The following PRSS3 variants were observed in gnomAD, a reference collection of about 807,000 sequenced individuals.
PRSS3 encodes the protein trypsin-3.
A neutral mutation model predicts 20.8 loss-of-function variants in PRSS3; 14 were observed. That is an observed-to-expected ratio of 0.67 (90% CI 0.44 to 1.05). The LOEUF (loss-of-function observed/expected upper bound fraction) is 1.05, where lower values mean the gene tolerates loss of function less well. Among genes scored for constraint, PRSS3 ranks in the 50% least tolerant of loss-of-function variants. The pLI is 0.00. For synonymous variants in PRSS3, 91 were observed against 117.6 expected, an observed-to-expected ratio of 0.77 and a Z score of 1.46; for missense variants, 237 against 306.4, an observed-to-expected ratio of 0.77 and a Z score of 1.69.
At chr9:33,761,493 G>T (rs540924404) in intron 1 of PRSS3, among the ~76,000 whole-genome samples, 1 of 152,216 alleles carries the variant, frequency 6.6e-6, no homozygotes, top group Non-Finnish European at 1.5e-5. Context: ...GATCATGTGA[G>T]GTTGGGAGTT....
rs1426264553 is a variant in PRSS3, at chr9:33,786,879, C to A, written c.-52-7867C>A. The A allele has an allele frequency of 2.5e-5, 16 of 638,742 alleles. No homozygotes were observed. In the Middle Eastern group the frequency reaches 1.0e-3, roughly 40 times the overall value. The allele number at this position is 638,742 out of a possible 1,614,324, so 39.6% of individuals were successfully genotyped here. A position where few individuals can be genotyped will look rare whatever the true frequency, so the allele number is the denominator to read the frequency against. ...TCTAAGCAAGAACCTCAGCTCCCTT[C>A]TACCCAGCTCCCCTCACATGAACCT... On this transcript the variant is annotated intron_variant, in intron 1 of 5. Coordinates refer to the PRSS3 transcript ENST00000342836.
chr9:33,783,000 AG>A, intron 1 of PRSS3, among the ~76,000 whole-genome samples: 1 of 152,342 alleles, frequency 6.6e-6, no homozygotes, highest in East Asian at 1.9e-4. Context: ...GGCTAAACAA[AG>A]GGTAGTATAT....
At chr9:33,766,945 T>C (rs1281554403) in intron 1 of PRSS3, among the ~76,000 whole-genome samples, 8 of 147,876 alleles carry the variant, frequency 5.4e-5, no homozygotes, top group African/African-American at 2.0e-4. Context: ...TTTTATGGTA[T>C]GTAAATTACA....
chr9:33,788,891 C>T (rs1214579654), intron 1 of PRSS3, among the ~76,000 whole-genome samples: 1 of 152,042 alleles, frequency 6.6e-6, no homozygotes, highest in African/African-American at 2.4e-5. Flanking sequence ...TTCTTTAAAA[C>T]TACTGTTTAG....
chr9:33,796,577 G>T (rs796318335), intron 1 of PRSS3, 66 bp from the exon 2 acceptor site: 19 of 1,597,374 alleles, frequency 1.2e-5, no homozygotes, highest in Non-Finnish European at 1.5e-5. Context: ...GGAAGCAACC[G>T]CAGGCTGGGA....
intron 1 of PRSS3, among the ~76,000 whole-genome samples, chr9:33,771,873 C>CT (rs74178902): frequency 0.26 from 32,711 of 128,198 alleles, 4,189 homozygotes; most frequent in Middle Eastern, 0.32. Context: ...TCTTTCTTTT[C>CT]TTTTTTTTTT....
intron 1 of PRSS3, among the ~76,000 whole-genome samples, chr9:33,770,444 G>A (rs1379276443): frequency 6.6e-6 from 1 of 152,120 alleles, no homozygotes; most frequent in Non-Finnish European, 1.5e-5. Context: ...TGGCACTGTT[G>A]GGATGGGGAT....
intron 1 of PRSS3, among the ~76,000 whole-genome samples, chr9:33,787,212 C>T (rs1824448277): frequency 6.6e-6 from 1 of 152,126 alleles, no homozygotes; most frequent in African/African-American, 2.4e-5. Flanking sequence ...AGCTGGTTTT[C>T]TATCATAATA....
At chr9:33,798,754 G>T (rs1825168255) in intron 4 of PRSS3, 132 bp downstream of exon 4, 1 of 1,458,906 alleles carries the variant, frequency 6.9e-7, no homozygotes, top group Admixed American at 1.9e-5. Flanking sequence ...TGAGGAAGGT[G>T]GCGGGGCTGA....
Position 33,797,993 on chromosome 9 carries a change from G to C in PRSS3, c.365G>C (p.Arg122Pro). Reference protein sequence around the residue: ...KLSSPAVINARVSTISLPTTP... With the variant: ...KLSSPAVINAPVSTISLPTTP... Reference sequence around the variant, plus strand: ...TCCTCACCTGCCGTCATCAATGCCCGCGTGTCCACCATCTCTCTGCCCACC... The same window carrying C: ...TCCTCACCTGCCGTCATCAATGCCCCCGTGTCCACCATCTCTCTGCCCACC... The change falls in exon 3 of 5, where the codon CGC (arginine) becomes CCC (proline). Residue 122 changes from arginine (R) to proline (P), a missense_variant. Physicochemically the swap from Arg to Pro is moderately radical, Grantham distance 103. Coordinates refer to ENST00000379405, the MANE Select transcript of PRSS3 (RefSeq NM_002771.4). 1 of 1,179,604 alleles carries C rather than the reference G, an allele frequency of 8.5e-7. No individual in the cohort carries two copies. The highest frequency in any genetic ancestry group is 1.2e-6 in the Non-Finnish European group (1 of 833,622). The allele number at this position is 1,179,604 out of a possible 1,614,324, so 73.1% of individuals were successfully genotyped here.
intron 1 of PRSS3, among the ~76,000 whole-genome samples, chr9:33,785,473 G>A (rs1226918090): frequency 2.6e-5 from 4 of 152,040 alleles, no homozygotes; most frequent in Non-Finnish European, 5.9e-5. Flanking sequence ...CACCGCGCCC[G>A]GCCCATTGTG....
At chr9:33,771,637 G>GTTTTTTTTTT (rs1183738501) in intron 1 of PRSS3, among the ~76,000 whole-genome samples, 1 of 87,916 alleles carries the variant, frequency 1.1e-5, no homozygotes, top group Admixed American at 1.3e-4. Flanking sequence ...TTGTTTTTTT[G>GTTTTTTTTTT]TTTTTTTGTT....
At chr9:33,759,885 C>T (rs1209230827) in intron 1 of PRSS3, among the ~76,000 whole-genome samples, 1 of 152,170 alleles carries the variant, frequency 6.6e-6, no homozygotes, top group Non-Finnish European at 1.5e-5. Flanking sequence ...CCAGCCTCTG[C>T]CTGCTCACTA....
chr9:33,755,454 A>G (rs926174718), intron 1 of PRSS3, among the ~76,000 whole-genome samples: 10 of 151,994 alleles, frequency 6.6e-5, no homozygotes, highest in Admixed American at 5.9e-4. Flanking sequence ...TCTCTTTTCC[A>G]GTTCTGGGTA....
intron 1 of PRSS3, among the ~76,000 whole-genome samples, chr9:33,752,793 G>A (rs1301638265): frequency 1.3e-5 from 2 of 152,124 alleles, no homozygotes; most frequent in South Asian, 2.1e-4. Context: ...AAACTACACC[G>A]CTGGAGGAAA....
intron 3 of PRSS3, 62 bp from the exon 4 acceptor site, chr9:33,798,424 T>G: frequency 6.3e-7 from 1 of 1,598,410 alleles, no homozygotes; most frequent in African/African-American, 1.3e-5. Flanking sequence ...CCCAGATTAT[T>G]GTCTCCTTCT....
intron 1 of PRSS3, among the ~76,000 whole-genome samples, chr9:33,785,631 G>A (rs951036886): frequency 6.6e-6 from 1 of 152,142 alleles, no homozygotes; most frequent in Non-Finnish European, 1.5e-5. Flanking sequence ...AAACATATAA[G>A]AGACAATGCA....
At chr9:33,780,964 TAGAC>T in intron 1 of PRSS3, among the ~76,000 whole-genome samples, 1 of 152,188 alleles carries the variant, frequency 6.6e-6, no homozygotes, top group East Asian at 1.9e-4. Flanking sequence ...CTGACAGTGT[TAGAC>T]AGATCATTGA....
At chr9:33,771,327 T>C (rs1463329370) in intron 1 of PRSS3, among the ~76,000 whole-genome samples, 2 of 151,568 alleles carry the variant, frequency 1.3e-5, no homozygotes, top group African/African-American at 4.9e-5. Flanking sequence ...TTTTTTTTTT[T>C]TATGTTTTGA....
Sources: allele counts gnomAD v4.1 joint callset (sites outside exome capture counted in the v4.1 genomes callset), GRCh38; gene constraint gnomAD v4.1.1; transcripts MANE v1.5; gene names NCBI Gene and HGNC (gene_info 2026-07-23, HGNC 2026-07-21).